PANX1: variants seen among roughly 807,000 people sequenced by gnomAD.
The protein encoded by PANX1 is pannexin-1.
A neutral mutation model predicts 38.7 loss-of-function variants in PANX1; 30 were observed. The ratio of observed to expected loss-of-function variants is 0.78; its 90% CI spans 0.58 to 1.05. The LOEUF (loss-of-function observed/expected upper bound fraction) is 1.05. Among genes scored for constraint, PANX1 ranks in the 50% least tolerant of loss-of-function variants. The probability of loss-of-function intolerance (pLI) is 0.00; values close to 1 mark genes in which losing one functional copy is unlikely to be tolerated. For missense variants in PANX1, 551 were observed against 517.2 expected (o/e 1.07, Z -0.63); for synonymous variants, 230 against 212.2 (o/e 1.08, Z -0.73).
chr11:94,148,763 T>C (rs1041093685), intron 1 of PANX1, among the ~76,000 whole-genome samples: 3 of 152,208 alleles, frequency 2.0e-5, no homozygotes, highest in Admixed American at 2.0e-4. Flanking sequence ...ACTTTTAAAA[T>C]CATGTGTATA....
Position 94,181,008 on chromosome 11 carries a change from C to G in PANX1, c.*139C>G. On this transcript the variant is annotated 3_prime_UTR_variant, in exon 5 of 5. Transcript: ENST00000227638. ...ATACTGAGCATGTCTTATTGAGTCC[C>G]TAATGGAAATGGTGATCAACAAAAG... The G allele has an allele frequency of 1.6e-6, 1 of 620,334 alleles. No homozygotes were observed. 38.4% of individuals were successfully genotyped at this position (620,334 alleles called of 1,614,324 possible). A position where few individuals can be genotyped will look rare whatever the true frequency, so the allele number is the denominator to read the frequency against.
intron 2 of PANX1, among the ~76,000 whole-genome samples, chr11:94,177,151 C>T (rs559007061): frequency 1.3e-5 from 2 of 151,440 alleles, no homozygotes; most frequent in South Asian, 4.2e-4. Context: ...CTGGGGACAG[C>T]GGGAGCCATT....
intron 4 of PANX1, among the ~76,000 whole-genome samples, chr11:94,180,463 C>T (rs555935659): frequency 4.5e-4 from 68 of 152,308 alleles, no homozygotes; most frequent in Non-Finnish European, 4.7e-4. Context: ...CTCTACATTT[C>T]CAAAGAAGAA....
At chr11:94,162,527 A>C (rs1308421424) in intron 2 of PANX1, among the ~76,000 whole-genome samples, 2 of 152,204 alleles carry the variant, frequency 1.3e-5, no homozygotes, top group African/African-American at 4.8e-5. Context: ...CAGGCGCTGG[A>C]TATAATCTTC....
intron 1 of PANX1, among the ~76,000 whole-genome samples, chr11:94,140,816 AATTG>A (rs1251182534): frequency 6.6e-6 from 1 of 152,218 alleles, no homozygotes; most frequent in African/African-American, 2.4e-5. Flanking sequence ...AATATTTATT[AATTG>A]ATTTAAAGTA....
At chr11:94,173,355 G>C (rs1034536669) in intron 2 of PANX1, among the ~76,000 whole-genome samples, 1 of 151,556 alleles carries the variant, frequency 6.6e-6, no homozygotes, top group Non-Finnish European at 1.5e-5. Flanking sequence ...CATATGTGCT[G>C]CCAAATCCTG....
chr11:94,147,519 C>T lies in PANX1; in HGVS notation c.182-5972C>T, dbSNP rs59022498. On this transcript the variant is annotated intron_variant, in intron 1 of 4. Transcript: ENST00000227638. ...ACCCCTCAAACTGCTACTTAGTTTTCTTGTCTGTCTATTCTTGTGGGTGTC... is the reference window on the plus strand; with the variant it reads ...ACCCCTCAAACTGCTACTTAGTTTTTTTGTCTGTCTATTCTTGTGGGTGTC... 4.2e-3 allele frequency among the ~76,000 whole-genome samples: 632 copies of T among 152,254 alleles called. 5 individuals carry two copies. The highest frequency in any genetic ancestry group is 0.014 in the African/African-American group (599 of 41,548).
chr11:94,131,379 TG>T (rs2057775220), intron 1 of PANX1, among the ~76,000 whole-genome samples: 1 of 152,234 alleles, frequency 6.6e-6, no homozygotes, highest in South Asian at 2.1e-4. Context: ...TTTGAGCTCA[TG>T]CTGTGTGCAT....
chr11:94,168,261 G>C (rs1947124558), intron 2 of PANX1, among the ~76,000 whole-genome samples: 1 of 152,176 alleles, frequency 6.6e-6, no homozygotes, highest in South Asian at 2.1e-4. Flanking sequence ...TGGCCTGTTG[G>C]GGGCATTGGG....
intron 2 of PANX1, among the ~76,000 whole-genome samples, chr11:94,172,400 G>T (rs1346006562): frequency 6.6e-6 from 1 of 151,756 alleles, no homozygotes; most frequent in Non-Finnish European, 1.5e-5. Flanking sequence ...CTGCAATTCT[G>T]CATTTATAAC....
chr11:94,176,637 A>G (rs1268493710), intron 2 of PANX1, among the ~76,000 whole-genome samples: 2 of 151,566 alleles, frequency 1.3e-5, no homozygotes, highest in African/African-American at 4.9e-5. Flanking sequence ...CCACTCCCAG[A>G]AATGTTTTGA....
chr11:94,156,696 T>A (rs867730978), intron 2 of PANX1, among the ~76,000 whole-genome samples: 23 of 150,974 alleles, frequency 1.5e-4, no homozygotes, highest in African/African-American at 3.4e-4. Context: ...CATCTTTTTT[T>A]AAAAAAAATT....
At chr11:94,129,710 C>T (rs895532243) in intron 1 of PANX1, among the ~76,000 whole-genome samples, 1 of 152,182 alleles carries the variant, frequency 6.6e-6, no homozygotes, top group African/African-American at 2.4e-5. Context: ...CTCCTCAGTT[C>T]TTTTGTTCCT....
chr11:94,138,815 A>G (rs1213900947), intron 1 of PANX1, among the ~76,000 whole-genome samples: 1 of 152,240 alleles, frequency 6.6e-6, no homozygotes, highest in African/African-American at 2.4e-5. Flanking sequence ...CCTTTACAGT[A>G]TAAGTTTTGA....
In PANX1 at chr11:94,149,921, A is replaced by G. The variant is rs145891298; in HGVS notation, c.182-3570A>G. Among the ~76,000 whole-genome samples, 1,018 of 152,350 alleles carry G rather than the reference A, an allele frequency of 6.7e-3. 9 individuals are homozygous for G. Among genetic ancestry groups the G allele is most frequent in the Non-Finnish European group, 0.012 (819 of 68,024 alleles). ...ATCGTGCATGAAGTTCAGAGACAGA[A>G]TATGTCTTGCCTGTAAAACCTTGAT... On this transcript the variant is annotated intron_variant, in intron 1 of 4. Coordinates refer to ENST00000227638, the MANE Select transcript of PANX1 (RefSeq NM_015368.4).
At chr11:94,147,156 A>G (rs1175070426) in intron 1 of PANX1, among the ~76,000 whole-genome samples, 1 of 152,214 alleles carries the variant, frequency 6.6e-6, no homozygotes, top group Non-Finnish European at 1.5e-5. Context: ...TTTCAAAATA[A>G]AATATTTAAT....
chr11:94,152,241 C>T (rs1022691862), intron 1 of PANX1, among the ~76,000 whole-genome samples: 3 of 152,174 alleles, frequency 2.0e-5, no homozygotes, highest in Non-Finnish European at 2.9e-5. Context: ...CAGACACCCT[C>T]GCAAGTGCTG....
At position 94,180,181 on chromosome 11, in the gene PANX1, G is replaced by A. The variant is rs1224570910; in HGVS notation, c.1125G>A (p.Met375Ile). The A allele has an allele frequency of 1.2e-6, 2 of 1,613,864 alleles. No individual in the cohort carries two copies. The highest frequency in any genetic ancestry group is 1.7e-6 in the Non-Finnish European group (2 of 1,179,864). ...TGACAAACCTTGGCATGATCAAGAT[G>A]GATGTTGTTGATGGCAAAACTCCCA... ...LLLTNLGMIK[M>I]DVVDGKTPMS... Residue 375 changes from methionine to isoleucine, a missense_variant, in exon 4 of 5, where the codon ATG becomes ATA. By Grantham distance (10) the Met-to-Ile change is conservative (BLOSUM62 1). Transcript: ENST00000227638.
At chr11:94,154,888 A>T (rs12287949) in intron 2 of PANX1, among the ~76,000 whole-genome samples, 72,437 of 152,078 alleles carry the variant, frequency 0.48, 17,487 homozygotes, top group Admixed American at 0.58. Context: ...TAAGAATATT[A>T]TAAGGAAAAG....
Sources: gnomAD v4.1 joint callset for allele counts (sites outside exome capture counted in the v4.1 genomes callset) on GRCh38, gnomAD v4.1.1 for gene constraint, MANE v1.5 for transcripts, NCBI Gene and HGNC (gene_info 2026-07-23, HGNC 2026-07-21) for gene names.